The following ECM2 variants were observed in gnomAD, a reference collection of about 807,000 sequenced individuals.
The protein encoded by ECM2 is extracellular matrix protein 2.
In ECM2, 57 loss-of-function variants were observed where a neutral mutation model predicts 67.5. That is an observed-to-expected ratio of 0.84 (90% CI 0.68 to 1.05). The LOEUF (loss-of-function observed/expected upper bound fraction) is 1.05, where lower values mean the gene tolerates loss of function less well. ECM2 is among the 50% of genes least tolerant of loss of function. The probability of loss-of-function intolerance (pLI) is 0.00; values close to 1 mark genes in which losing one functional copy is unlikely to be tolerated. For synonymous variants in ECM2, 258 were observed against 294.5 expected, an observed-to-expected ratio of 0.88 and a Z score of 1.27; for missense variants, 741 against 822.8, an observed-to-expected ratio of 0.90 and a Z score of 1.22.
the ECM2 span, among the ~76,000 whole-genome samples, chr9:92,542,816 A>G: frequency 2.0e-5 from 3 of 151,924 alleles, no homozygotes; most frequent in Non-Finnish European, 4.4e-5. Context: ...CCGGCCCCCT[A>G]TGTTTTCTTC....
chr9:92,529,290 A>G, intron 1 of ECM2, among the ~76,000 whole-genome samples: 1 of 152,230 alleles, frequency 6.6e-6, no homozygotes, highest in East Asian at 1.9e-4. Flanking sequence ...TCTAAAACCC[A>G]AAACACTGAC....
intron 4 of ECM2, 67 bp from the exon 5 acceptor site, chr9:92,512,193 C>T: frequency 2.0e-6 from 2 of 1,006,226 alleles, no homozygotes; most frequent in Non-Finnish European, 3.1e-6. Context: ...CATGTATGGG[C>T]ATGTGTGCAT....
At chr9:92,536,108 T>G, upstream of ECM2, 1 of 438,888 alleles carries the variant, frequency 2.3e-6, no homozygotes, top group Non-Finnish European at 4.3e-6. Context: ...GATAAATGCC[T>G]TTCAGTTCTT....
intron 1 of ECM2, among the ~76,000 whole-genome samples, chr9:92,524,673 A>C (rs1232238744): frequency 1.3e-5 from 2 of 152,172 alleles, no homozygotes; most frequent in Non-Finnish European, 1.5e-5. Context: ...AGCCTTCCTT[A>C]CACAGCCAGT....
At chr9:92,538,613 T>C (rs906530762), upstream of ECM2, among the ~76,000 whole-genome samples, 3 of 152,220 alleles carry the variant, frequency 2.0e-5, no homozygotes, top group Admixed American at 6.5e-5. Context: ...AGGTTCCTGC[T>C]CTAAAATTTT....
At chr9:92,539,342 C>T (rs531729231), upstream of ECM2, among the ~76,000 whole-genome samples, 1 of 136,564 alleles carries the variant, frequency 7.3e-6, no homozygotes, top group South Asian at 2.5e-4. Flanking sequence ...CGCCTTCCCC[C>T]GCTCCCCCAC....
intron 6 of ECM2, among the ~76,000 whole-genome samples, chr9:92,508,805 A>G (rs530170206): frequency 2.6e-5 from 4 of 152,114 alleles, no homozygotes; most frequent in African/African-American, 9.7e-5. Flanking sequence ...GAGCTACAGG[A>G]AATAATTGAA....
the ECM2 span, among the ~76,000 whole-genome samples, chr9:92,542,951 G>A: frequency 6.6e-6 from 1 of 152,094 alleles, no homozygotes; most frequent in Non-Finnish European, 1.5e-5. Flanking sequence ...AGTTTTCTCA[G>A]CACCATTTAT....
chr9:92,532,802 A>G (rs1002018310), intron 1 of ECM2, among the ~76,000 whole-genome samples: 2 of 151,752 alleles, frequency 1.3e-5, no homozygotes, highest in African/African-American at 4.8e-5. Flanking sequence ...TGGATCCTCT[A>G]TGTGTCTATT....
At chr9:92,498,133 G>T (rs1375976690) in intron 9 of ECM2, among the ~76,000 whole-genome samples, 8 of 152,170 alleles carry the variant, frequency 5.3e-5, no homozygotes, top group African/African-American at 1.9e-4. Flanking sequence ...GACATATATA[G>T]AGAGAAAACT....
At chr9:92,493,963 G>T, downstream of ECM2, 1 of 830,288 alleles carries the variant, frequency 1.2e-6, no homozygotes, top group Non-Finnish European at 1.9e-6. Context: ...GGCCGTTGAG[G>T]GTGGCCGTAG....
chr9:92,495,291 T>A (rs1240110173), downstream of ECM2: 6 of 800,300 alleles, frequency 7.5e-6, no homozygotes, highest in Admixed American at 3.1e-4. Context: ...ATAAATTACT[T>A]TAGCAATACA....
chr9:92,549,581 AG>A, the ECM2 span, among the ~76,000 whole-genome samples: 1 of 151,084 alleles, frequency 6.6e-6, no homozygotes, highest in Non-Finnish European at 1.5e-5. Context: ...TGGGAGGCAA[AG>A]GTTACAGTGA....
upstream of ECM2, among the ~76,000 whole-genome samples, chr9:92,540,590 G>A (rs1314662514): frequency 1.3e-5 from 2 of 151,040 alleles, no homozygotes; most frequent in Admixed American, 1.3e-4. Context: ...GGCCAACATA[G>A]TGAAACCCCG....
At chr9:92,551,953 G>GATATATATATATATATATATATATATGAT in the ECM2 span, among the ~76,000 whole-genome samples, 1 of 108,136 alleles carries the variant, frequency 9.2e-6, no homozygotes, top group African/African-American at 4.4e-5. Flanking sequence ...ATATATATAT[G>GATATATATATATATATATATATATATGAT]ATATATATAT....
chr9:92,511,718 G>T (rs907435622), intron 5 of ECM2, among the ~76,000 whole-genome samples: 3 of 152,126 alleles, frequency 2.0e-5, no homozygotes, highest in African/African-American at 7.2e-5. Context: ...TAAAAGACCA[G>T]ATTTTAGCAT....
At chr9:92,553,304 G>C in the ECM2 span, among the ~76,000 whole-genome samples, 1 of 152,064 alleles carries the variant, frequency 6.6e-6, no homozygotes, top group African/African-American at 2.4e-5. Context: ...TGCTGTTTTG[G>C]TGACTGTGGC....
At chr9:92,518,508 C>T (rs971416060) in intron 2 of ECM2, among the ~76,000 whole-genome samples, 2 of 152,154 alleles carry the variant, frequency 1.3e-5, no homozygotes, top group Non-Finnish European at 2.9e-5. Context: ...AGCATGCTTC[C>T]GTGGTGCTTC....
In ECM2 at chr9:92,514,669, G is replaced by A. The variant is rs201012391; in HGVS notation, c.1016C>T (p.Pro339Leu). The A allele has an allele frequency of 1.7e-4, 275 of 1,603,840 alleles. No homozygotes were observed. Among genetic ancestry groups the A allele is most frequent in the Non-Finnish European group, 1.9e-4 (220 of 1,173,490 alleles). The change falls in exon 4 of 10, where the codon CCG becomes CTG. Residue 339 changes from proline (P) to leucine (L), a missense_variant. Coordinates refer to ENST00000344604, the MANE Select transcript of ECM2 (RefSeq NM_001393.4). Reference protein sequence around the residue: ...CINAMLTQIPPLTAPQITSLE... With the variant: ...CINAMLTQIPLLTAPQITSLE... ...ACTTGTTATCTGTGGTGCTGTCAGCGGTGGTATCTGGGTAAGCATGGCGTT... is the reference window on the plus strand; with the variant it reads ...ACTTGTTATCTGTGGTGCTGTCAGCAGTGGTATCTGGGTAAGCATGGCGTT...
Sources: allele counts gnomAD v4.1 joint callset (sites outside exome capture counted in the v4.1 genomes callset), GRCh38; gene constraint gnomAD v4.1.1; transcripts MANE v1.5; gene names NCBI Gene and HGNC (gene_info 2026-07-23, HGNC 2026-07-21).